The following GNPTAB variants were observed in gnomAD, a reference collection of about 807,000 sequenced individuals.
GNPTAB encodes the protein N-acetylglucosamine-1-phosphotransferase subunits alpha/beta.
A neutral mutation model predicts 136.6 loss-of-function variants in GNPTAB; 92 were observed. That is an observed-to-expected ratio of 0.67 (90% CI 0.57 to 0.80). The LOEUF (loss-of-function observed/expected upper bound fraction) is 0.80. GNPTAB is among the 30% of genes least tolerant of loss of function. GNPTAB has a pLI of 0.00. For missense variants in GNPTAB, 1,343 were observed against 1,501.8 expected, an observed-to-expected ratio of 0.89 and a Z score of 1.75; for synonymous variants, 512 against 535.1, an observed-to-expected ratio of 0.96 and a Z score of 0.60.
intron 1 of GNPTAB, among the ~76,000 whole-genome samples, chr12:101,797,431 C>G (rs942377332): frequency 2.3e-4 from 35 of 152,068 alleles, no homozygotes; most frequent in Non-Finnish European, 4.1e-4. Context: ...TCGAGACCAG[C>G]CTGGGCAACA....
chr12:101,780,356 A>T (rs1241547503), intron 6 of GNPTAB, 70 bp from the exon 7 acceptor site: 17 of 1,502,772 alleles, frequency 1.1e-5, no homozygotes, highest in Non-Finnish European at 1.5e-5. Context: ...AGCTGAGAAA[A>T]CTGGTAAAGA....
chr12:101,748,632 G>A (rs375762140), intron 20 of GNPTAB, among the ~76,000 whole-genome samples: 13 of 152,298 alleles, frequency 8.5e-5, no homozygotes, highest in African/African-American at 2.9e-4. Flanking sequence ...GAGAGAGGAG[G>A]GAGAACTCCT....
intron 1 of GNPTAB, among the ~76,000 whole-genome samples, chr12:101,812,463 C>CT (rs1387979267): frequency 4.6e-5 from 7 of 152,076 alleles, no homozygotes; most frequent in Non-Finnish European, 1.0e-4. Flanking sequence ...TTAGCAAAAA[C>CT]CTCAAAGTTG....
At chr12:101,812,731 C>G (rs1204758909) in intron 1 of GNPTAB, among the ~76,000 whole-genome samples, 1 of 152,114 alleles carries the variant, frequency 6.6e-6, no homozygotes, top group East Asian at 1.9e-4. Flanking sequence ...TGAACTCCAA[C>G]CTGGGTGACA....
At chr12:101,764,120 T>G (rs867645825) in intron 13 of GNPTAB, 82 bp downstream of exon 13, 2 of 1,585,124 alleles carry the variant, frequency 1.3e-6, no homozygotes, top group African/African-American at 2.7e-5. Flanking sequence ...AAGTGCTGAA[T>G]AAATGGTAGC....
intron 1 of GNPTAB, among the ~76,000 whole-genome samples, chr12:101,814,773 T>C (rs142301573): frequency 2.6e-5 from 4 of 152,290 alleles, no homozygotes; most frequent in Non-Finnish European, 1.5e-5. Flanking sequence ...AATAACTATA[T>C]TTTCAAAAAT....
intron 1 of GNPTAB, among the ~76,000 whole-genome samples, chr12:101,808,574 G>C (rs1594251968): frequency 6.6e-6 from 1 of 152,000 alleles, no homozygotes; most frequent in East Asian, 1.9e-4. Context: ...AGGTGACCTT[G>C]GATTTGATGG....
In GNPTAB at chr12:101,813,404, G is replaced by C. The variant is rs1379866048; in HGVS notation, c.118-16642C>G. The stretch of plus-strand genomic sequence containing the variant: ...CTGGTAACCTGATACAGGCTCTTCA[G>C]AGAAGTGGGTAGGGTGCTACATTTA... On this transcript the variant is annotated intron_variant, in intron 1 of 20. Transcript: ENST00000299314. 4.6e-5 allele frequency among the ~76,000 whole-genome samples: 7 copies of C among 152,294 alleles called. No individual in the cohort carries two copies. The South Asian group carries it at 6.2e-4, about 14-fold the overall frequency.
chr12:101,792,634 ATTCCCTCCC>A (rs1394012765), intron 2 of GNPTAB, among the ~76,000 whole-genome samples: 1 of 151,428 alleles, frequency 6.6e-6, no homozygotes, highest in Non-Finnish European at 1.5e-5. Flanking sequence ...TCCTTCCTCA[ATTCCCTCCC>A]TTCCCTCACC....
At chr12:101,805,087 T>C (rs1301383726) in intron 1 of GNPTAB, among the ~76,000 whole-genome samples, 2 of 150,414 alleles carry the variant, frequency 1.3e-5, no homozygotes, top group Non-Finnish European at 3.0e-5. Context: ...GAAAAAAAAA[T>C]TACCAACATA....
At chr12:101,770,887 T>A in intron 8 of GNPTAB, 109 bp downstream of exon 8, 1 of 1,131,674 alleles carries the variant, frequency 8.8e-7, no homozygotes, top group African/African-American at 1.5e-5. Context: ...AAAATTCCAA[T>A]CAACTCACCT....
At chr12:101,829,185 T>C (rs927506161) in intron 1 of GNPTAB, among the ~76,000 whole-genome samples, 2 of 152,152 alleles carry the variant, frequency 1.3e-5, no homozygotes, top group African/African-American at 4.8e-5. Context: ...AAGAAAAGGA[T>C]ATAAAATGAA....
chr12:101,747,899 T>C lies in GNPTAB; in HGVS notation c.3694-658A>G, dbSNP rs917618556. Among the ~76,000 whole-genome samples, 7 of 152,142 alleles carry C rather than the reference T, an allele frequency of 4.6e-5. No individual in the cohort carries two copies. The South Asian group carries it at 1.0e-3, about 23-fold the overall frequency. On this transcript the variant is annotated intron_variant, in intron 20 of 20. Coordinates refer to ENST00000299314, the MANE Select transcript of GNPTAB (RefSeq NM_024312.5). The stretch of plus-strand genomic sequence containing the variant: ...CTCTACTGGTATAGATAGACTGGTA[T>C]AGATAGAGGAAAGACTGCCTCTCTA...
At chr12:101,807,738 T>C (rs1594251290) in intron 1 of GNPTAB, among the ~76,000 whole-genome samples, 1 of 152,254 alleles carries the variant, frequency 6.6e-6, no homozygotes, top group Middle Eastern at 3.4e-3. Context: ...GAGACCAGCC[T>C]GGCCAACACG....
intron 14 of GNPTAB, 40 bp downstream of exon 14, chr12:101,761,524 C>T (rs1270138158): frequency 1.3e-6 from 2 of 1,580,344 alleles, no homozygotes; most frequent in Non-Finnish European, 8.7e-7. Context: ...AGCCTTAGTT[C>T]TGAACACAAG....
rs1555277081 is a variant in GNPTAB at position 101,830,637 on chromosome 12, G to T, written c.39C>A (p.Cys13Ter). 1 of 1,611,230 alleles carries T rather than the reference G, an allele frequency of 6.2e-7. No individual in the cohort carries two copies. The highest frequency in any genetic ancestry group is 8.5e-7 in the Non-Finnish European group (1 of 1,177,728). ...CGTAGAGCCCATACCTGTGGGACAG[G>T]CAGGTATAGGTCTGTCTCTGCAGGA... ...FKLLQRQTYT[C>*]LSHRYGLYVC... Residue 13 changes from cysteine (C) to a stop codon, truncating the protein, a stop_gained, in exon 1 of 21, where the codon TGC becomes TGA. Coordinates refer to ENST00000299314, the MANE Select transcript of GNPTAB (RefSeq NM_024312.5). LOFTEE classifies it high-confidence loss of function.
chr12:101,788,633 T>TATAC (rs1216442999), intron 3 of GNPTAB, 44 bp from the exon 4 acceptor site: 3 of 969,918 alleles, frequency 3.1e-6, no homozygotes, highest in Non-Finnish European at 3.4e-6. Flanking sequence ...TATGGGCTAC[T>TATAC]ATACCTCCCA....
chr12:101,753,718 T>G (rs1952857301), intron 18 of GNPTAB, among the ~76,000 whole-genome samples, 179 bp from the exon 19 acceptor site: 1 of 152,220 alleles, frequency 6.6e-6, no homozygotes, highest in Admixed American at 6.5e-5. Flanking sequence ...ATTCCTCACG[T>G]ATAAAACAAG....
At chr12:101,778,276 A>C (rs761051932) in intron 7 of GNPTAB, 36 of 152,082 alleles carry the variant, frequency 2.4e-4, no homozygotes, top group Admixed American at 2.4e-3. Context: ...GAGTATGGAG[A>C]AGTGGAATGA....
Sources: gnomAD v4.1 joint callset for allele counts (sites outside exome capture counted in the v4.1 genomes callset) on GRCh38, gnomAD v4.1.1 for gene constraint, MANE v1.5 for transcripts, NCBI Gene and HGNC (gene_info 2026-07-23, HGNC 2026-07-21) for gene names.